RGS22: variants seen among roughly 807,000 people sequenced by gnomAD.
RGS22 encodes regulator of G protein signaling 22.
Under a neutral mutation model 172.9 loss-of-function variants are expected in RGS22, and 148 were observed. The ratio of observed to expected loss-of-function variants is 0.86; its 90% CI spans 0.75 to 0.98. RGS22 has a LOEUF of 0.98. Ranked by LOEUF, RGS22 falls within the 50% of genes least tolerant of loss-of-function variation. The pLI is 0.00. For missense variants in RGS22, 1,347 were observed against 1,440.8 expected, an observed-to-expected ratio of 0.93 and a Z score of 1.05; for synonymous variants, 458 against 480.2, an observed-to-expected ratio of 0.95 and a Z score of 0.60.
Position 99,999,364 on chromosome 8 carries a change from A to C in RGS22, c.2847T>G (p.Pro949=). The C allele has an allele frequency of 6.2e-7, 1 of 1,614,000 alleles. No homozygotes were observed. The part of the protein sequence containing the change: ...GKILHEQLDA[P]VLVEIQKHVQ... ...CATGCTTCTGGATTTCAACTAGAAC[A>C]GGTGCATCAAGCTGCTCATGAAGAA... The change falls in exon 19 of 28, where the codon CCT becomes CCG. Residue 949 remains proline, a synonymous_variant. Coordinates refer to ENST00000360863, the MANE Select transcript of RGS22 (RefSeq NM_015668.5).
At chr8:100,099,684 G>T (rs1586296542) in intron 2 of RGS22, among the ~76,000 whole-genome samples, 1 of 152,306 alleles carries the variant, frequency 6.6e-6, no homozygotes, top group Middle Eastern at 3.4e-3. Context: ...AAGCATCAGA[G>T]AATTTGATTC....
intron 23 of RGS22, among the ~76,000 whole-genome samples, chr8:99,966,111 G>A (rs1469692368): frequency 6.6e-6 from 1 of 152,178 alleles, no homozygotes; most frequent in Admixed American, 6.5e-5. Flanking sequence ...GAAAAAGGAT[G>A]TATCATAGAT....
chr8:100,083,128 A>C (rs1218817611), intron 3 of RGS22, among the ~76,000 whole-genome samples: 1 of 152,184 alleles, frequency 6.6e-6, no homozygotes. Flanking sequence ...TGTTTTAGAA[A>C]GGTTCTGGAG....
chr8:100,055,574 T>C (rs1348682644), intron 9 of RGS22, among the ~76,000 whole-genome samples: 3 of 152,208 alleles, frequency 2.0e-5, no homozygotes, highest in Non-Finnish European at 4.4e-5. Flanking sequence ...GGTTTGGCTC[T>C]GTGTCCCCAC....
At chr8:100,039,400 C>G (rs1368780470) in intron 13 of RGS22, among the ~76,000 whole-genome samples, 3 of 139,950 alleles carry the variant, frequency 2.1e-5, no homozygotes, top group Non-Finnish European at 3.0e-5. Context: ...TTTTTTGAGA[C>G]AGTGTCTCAC....
chr8:100,013,067 G>A lies in RGS22; in HGVS notation c.2167-4498C>T, dbSNP rs564989380. Among the ~76,000 whole-genome samples the A allele has an allele frequency of 5.1e-5, 7 of 138,090 alleles. No homozygotes were observed. The East Asian group carries it at 6.6e-4, about 13-fold the overall frequency. The allele number at this position is 138,090 out of a possible 152,430, so 90.6% of individuals were successfully genotyped here. On this transcript the variant is annotated intron_variant, in intron 14 of 27. Coordinates refer to ENST00000360863, the MANE Select transcript of RGS22 (RefSeq NM_015668.5). ...TGCAGTGGCGTAATCTCGGCTCACT[G>A]CAAGCTCCGCCTCTTGGGTTCATGC...
intron 4 of RGS22, among the ~76,000 whole-genome samples, chr8:100,074,651 G>A (rs1349786594): frequency 2.0e-5 from 3 of 151,988 alleles, no homozygotes. Context: ...ACCACAGTTT[G>A]TTTATCCATT....
In RGS22 at chr8:100,106,020, C is replaced by G; in HGVS notation, c.-99G>C. On this transcript the variant is annotated 5_prime_UTR_variant, in exon 1 of 28. Coordinates refer to ENST00000360863, the MANE Select transcript of RGS22 (RefSeq NM_015668.5). Reference sequence around the variant, plus strand: ...GGGCCTGAGCGACGCGGCGACGGCGCGCGGGCTCCGGAGCTACGCTGGCTA... The same window carrying G: ...GGGCCTGAGCGACGCGGCGACGGCGGGCGGGCTCCGGAGCTACGCTGGCTA... The G allele has an allele frequency of 5.0e-6, 6 of 1,192,942 alleles. No homozygotes were observed. Among genetic ancestry groups the G allele is most frequent in the Non-Finnish European group, 6.2e-6 (6 of 963,754 alleles). 73.9% of individuals were successfully genotyped at this position (1,192,942 alleles called of 1,614,324 possible). A position where few individuals can be genotyped will look rare whatever the true frequency, so the allele number is the denominator to read the frequency against.
Position 100,034,030 on chromosome 8 carries a change from A to C in RGS22, c.2166+4901T>G, listed in dbSNP as rs534165016. On this transcript the variant is annotated intron_variant, in intron 14 of 27. Transcript: ENST00000360863. ...ATTATACTGTATGGGCAAAAACTGGAAGCATTCCCTTTGAAAACCAGCACA... is the reference window on the plus strand; with the variant it reads ...ATTATACTGTATGGGCAAAAACTGGCAGCATTCCCTTTGAAAACCAGCACA... 3.3e-5 allele frequency among the ~76,000 whole-genome samples: 5 copies of C among 152,314 alleles called. No homozygotes were observed. The East Asian group carries it at 9.6e-4, about 29-fold the overall frequency.
At chr8:100,033,788 T>C (rs1393285086) in intron 14 of RGS22, among the ~76,000 whole-genome samples, 2 of 152,200 alleles carry the variant, frequency 1.3e-5, no homozygotes, top group African/African-American at 2.4e-5. Context: ...TTTTCATCCA[T>C]GGCATGCAAG....
At chr8:100,088,888 C>A (rs114863435) in intron 3 of RGS22, among the ~76,000 whole-genome samples, 149 of 152,060 alleles carry the variant, frequency 9.8e-4, no homozygotes, top group African/African-American at 3.5e-3. Flanking sequence ...TAGTCTATAT[C>A]TACACTCTAG....
At chr8:99,962,308 C>CTG in intron 27 of RGS22, 86 bp downstream of exon 27, 1 of 821,478 alleles carries the variant, frequency 1.2e-6, no homozygotes, top group Non-Finnish European at 2.1e-6. Context: ...GTGTGGTATG[C>CTG]TGTGTGTGTG....
At chr8:100,003,048 T>G in intron 17 of RGS22, 1 of 161,864 alleles carries the variant, frequency 6.2e-6, no homozygotes. Flanking sequence ...GAGTGAGACC[T>G]TGTCTCAAAA....
At chr8:100,008,681 T>G in intron 14 of RGS22, 112 bp from the exon 15 acceptor site, 4 of 724,614 alleles carry the variant, frequency 5.5e-6, no homozygotes, top group Non-Finnish European at 8.9e-6. Flanking sequence ...TAAGCCCACG[T>G]GATATTTTTC....
intron 3 of RGS22, among the ~76,000 whole-genome samples, chr8:100,087,520 C>A (rs112767308): frequency 6.6e-6 from 1 of 151,918 alleles, no homozygotes; most frequent in African/African-American, 2.4e-5. Context: ...AGAAAAAAAA[C>A]CTGTGAATAA....
At position 100,071,533 on chromosome 8, in the gene RGS22, CT is replaced by C; in HGVS notation, c.429del (p.Ala144ProfsTer7). ...LESDCYFEYRLAKLVSQVRWS... is the reference protein window; with the variant it reads ...LESDCYFEYRXAKLVSQVRWS... ...CATCTTACTTGTGAGACCAATTTGGCTAACCTGCATTTTAGAAATCATACAA... is the reference window on the plus strand; with the variant it reads ...CATCTTACTTGTGAGACCAATTTGGCAACCTGCATTTTAGAAATCATACAA... On this transcript the variant is annotated frameshift_variant, in exon 6 of 28. Coordinates refer to ENST00000360863, the MANE Select transcript of RGS22 (RefSeq NM_015668.5). LOFTEE classifies it high-confidence loss of function. The C allele has an allele frequency of 6.3e-7, 1 of 1,591,540 alleles. No homozygotes were observed.
At position 99,965,413 on chromosome 8, in the gene RGS22, A is replaced by G; in HGVS notation, c.3537T>C (p.Tyr1179=). The G allele has an allele frequency of 1.2e-6, 2 of 1,610,004 alleles. No homozygotes were observed. The highest frequency in any genetic ancestry group is 1.7e-6 in the Non-Finnish European group (2 of 1,176,784). ...TGATAGCAGGCACTGAAGTATTTGC[A>G]TATTGTTTGATTCCATCCTGTAATT... The part of the protein sequence containing the change: ...EKSGKDGIKQ[Y]ANTSVPAIKT... The change falls in exon 24 of 28, where the codon TAT becomes TAC. Residue 1179 remains tyrosine, a synonymous_variant. Transcript: ENST00000360863.
At chr8:100,093,356 T>A in intron 3 of RGS22, 91 bp downstream of exon 3, 5 of 705,604 alleles carry the variant, frequency 7.1e-6, no homozygotes, top group Non-Finnish European at 1.2e-5. Context: ...AAAAGCATTA[T>A]CCCTGATAAA....
intron 20 of RGS22, among the ~76,000 whole-genome samples, chr8:99,991,001 AAC>A (rs1813659266): frequency 6.6e-6 from 1 of 152,204 alleles, no homozygotes; most frequent in South Asian, 2.1e-4. Context: ...AACAAACTCC[AAC>A]AGACCTGCAG....
Sources: allele counts gnomAD v4.1 joint callset (sites outside exome capture counted in the v4.1 genomes callset), GRCh38; gene constraint gnomAD v4.1.1; transcripts MANE v1.5; gene names NCBI Gene and HGNC (gene_info 2026-07-23, HGNC 2026-07-21).